ADAMTS20: variants seen among roughly 807,000 people sequenced by gnomAD.
The protein encoded by ADAMTS20 is A disintegrin and metalloproteinase with thrombospondin motifs 20.
In ADAMTS20, 225 loss-of-function variants were observed where a neutral mutation model predicts 260.1. That is an observed-to-expected ratio of 0.87 (90% CI 0.78 to 0.97). The LOEUF (loss-of-function observed/expected upper bound fraction) is 0.97, where lower values mean the gene tolerates loss of function less well. Ranked by LOEUF, ADAMTS20 falls within the 50% of genes least tolerant of loss-of-function variation. The pLI, the probability that ADAMTS20 is intolerant of heterozygous loss-of-function variation, is 0.00. For missense variants in ADAMTS20, 2,400 were observed against 2,337.7 expected (o/e 1.03, Z -0.55); for synonymous variants, 802 against 769.5 (o/e 1.04, Z -0.70).
intron 8 of ADAMTS20, 75 bp downstream of exon 8, chr12:43,468,525 C>T (rs1449113433): frequency 3.2e-6 from 3 of 932,800 alleles, no homozygotes; most frequent in African/African-American, 1.7e-5. Context: ...AATTACTCAA[C>T]TGAAGATAGA....
chr12:43,369,258 G>A, intron 37 of ADAMTS20, 32 bp downstream of exon 37: 1 of 1,333,326 alleles, frequency 7.5e-7, no homozygotes, highest in Non-Finnish European at 9.9e-7. Flanking sequence ...TTTTCACAAA[G>A]AAAGAAAATT....
intron 2 of ADAMTS20, among the ~76,000 whole-genome samples, chr12:43,533,293 C>T (rs1293325940): frequency 6.7e-5 from 10 of 149,898 alleles, no homozygotes; most frequent in African/African-American, 2.5e-4. Context: ...ATTTGCATTT[C>T]TCTGATGGCC....
intron 31 of ADAMTS20, among the ~76,000 whole-genome samples, chr12:43,379,003 T>C (rs1464895727): frequency 6.6e-6 from 1 of 152,182 alleles, no homozygotes; most frequent in Non-Finnish European, 1.5e-5. Flanking sequence ...TCTTTCTAGC[T>C]CCATGGTAAC....
At chr12:43,437,639 T>C (rs996775907) in intron 18 of ADAMTS20, among the ~76,000 whole-genome samples, 5 of 152,184 alleles carry the variant, frequency 3.3e-5, no homozygotes, top group Admixed American at 2.0e-4. Context: ...CATGAGAATA[T>C]AGTTATGTCA....
intron 7 of ADAMTS20, among the ~76,000 whole-genome samples, chr12:43,482,913 C>T (rs541243215): frequency 1.3e-5 from 2 of 152,300 alleles, no homozygotes; most frequent in East Asian, 1.9e-4. Context: ...TATCTTCTTC[C>T]TGGCTCAGGA....
chr12:43,372,708 T>G (rs1405437900), intron 36 of ADAMTS20, among the ~76,000 whole-genome samples: 1 of 152,194 alleles, frequency 6.6e-6, no homozygotes, highest in African/African-American at 2.4e-5. Context: ...CTTGAGTAGG[T>G]ACAAGGCACT....
intron 18 of ADAMTS20, among the ~76,000 whole-genome samples, chr12:43,437,189 T>C (rs1941572146): frequency 6.6e-6 from 1 of 152,124 alleles, no homozygotes; most frequent in African/African-American, 2.4e-5. Context: ...AGAGATATGA[T>C]AGAAGGTATT....
intron 4 of ADAMTS20, among the ~76,000 whole-genome samples, chr12:43,501,288 G>A (rs901110241): frequency 2.6e-5 from 4 of 151,638 alleles, no homozygotes; most frequent in African/African-American, 4.8e-5. Context: ...TTGAACTTCC[G>A]ACCTCAGGTG....
intron 3 of ADAMTS20, among the ~76,000 whole-genome samples, chr12:43,520,787 CATTA>C (rs1297712140): frequency 6.6e-6 from 1 of 152,198 alleles, no homozygotes; most frequent in Non-Finnish European, 1.5e-5. Context: ...TCTGTCCCTA[CATTA>C]ATTAATGGCA....
chr12:43,428,843 C>T (rs778131197), intron 24 of ADAMTS20, 44 bp from the exon 25 acceptor site: 1 of 1,523,288 alleles, frequency 6.6e-7, no homozygotes, highest in Non-Finnish European at 8.9e-7. Flanking sequence ...TACAGTAGTA[C>T]CTCACCCATG....
At chr12:43,458,207 T>G (rs1255638176) in intron 11 of ADAMTS20, among the ~76,000 whole-genome samples, 1 of 152,188 alleles carries the variant, frequency 6.6e-6, no homozygotes, top group Admixed American at 6.5e-5. Context: ...AGGTCACAGG[T>G]AGGTGACAGA....
chr12:43,391,822 G>A (rs1420961563), intron 29 of ADAMTS20, among the ~76,000 whole-genome samples: 2 of 152,086 alleles, frequency 1.3e-5, no homozygotes, highest in African/African-American at 4.8e-5. Flanking sequence ...CAAAAGCTAA[G>A]AATTTCGTTT....
chr12:43,532,343 C>T, intron 2 of ADAMTS20, 148 bp from the exon 3 acceptor site: 1 of 622,354 alleles, frequency 1.6e-6, no homozygotes, highest in Non-Finnish European at 2.6e-6. Flanking sequence ...AAAAGTTTCC[C>T]TTCCCTGGGT....
In ADAMTS20 at chr12:43,377,388, A is replaced by C; in HGVS notation, c.4972T>G (p.Trp1658Gly). 6.2e-7 allele frequency: 1 copy of C among 1,612,434 alleles called. No homozygotes were observed. Among genetic ancestry groups the C allele is most frequent in the East Asian group, 2.2e-5 (1 of 44,854 alleles). ...ACCTTGCTCCATTTTCCAACTTTCCAAGTGGCCAAATGCAAACAGCTGTTA... is the reference window on the plus strand; with the variant it reads ...ACCTTGCTCCATTTTCCAACTTTCCCAGTGGCCAAATGCAAACAGCTGTTA... The part of the protein sequence containing the change: ...CINSCLHLAT[W>G]KVGKWSKCSV... The change falls in exon 32 of 39, where the codon TGG (tryptophan) becomes GGG (glycine). Residue 1658 changes from tryptophan to glycine, a missense_variant. Transcript: ENST00000389420.
At chr12:43,518,899 T>A (rs1436495790) in intron 3 of ADAMTS20, among the ~76,000 whole-genome samples, 1 of 151,262 alleles carries the variant, frequency 6.6e-6, no homozygotes, top group Non-Finnish European at 1.5e-5. Flanking sequence ...AGCTTGACCA[T>A]CAAAATAAAC....
At chr12:43,496,746 A>C (rs1302783037) in intron 4 of ADAMTS20, among the ~76,000 whole-genome samples, 1 of 152,190 alleles carries the variant, frequency 6.6e-6, no homozygotes, top group African/African-American at 2.4e-5. Context: ...GTTGTGAAAG[A>C]CATTTGTTTT....
At position 43,354,197 on chromosome 12, in the gene ADAMTS20, C is replaced by A; in HGVS notation, c.*12G>T. On this transcript the variant is annotated 3_prime_UTR_variant, in exon 39 of 39. Transcript: ENST00000389420. ...ATCCCCTCTTTAGGGCATACTTCCCCCTTCTAAATGTTCATATGACTTGAA... is the reference window on the plus strand; with the variant it reads ...ATCCCCTCTTTAGGGCATACTTCCCACTTCTAAATGTTCATATGACTTGAA... 2 of 1,551,074 alleles carry A rather than the reference C, an allele frequency of 1.3e-6. No individual in the cohort carries two copies. Among genetic ancestry groups the A allele is most frequent in the Non-Finnish European group, 1.8e-6 (2 of 1,138,564 alleles).
rs543773145 is a variant in ADAMTS20 at position 43,482,296 on chromosome 12, C to T, written c.1117+8099G>A. Among the ~76,000 whole-genome samples the T allele has an allele frequency of 2.0e-5, 3 of 152,294 alleles. No individual in the cohort carries two copies. In the East Asian group the frequency reaches 5.8e-4, roughly 29 times the overall value. Reference sequence around the variant, plus strand: ...GAGCGAGCCTGAAGTGTGTTGTCACCACGGGGGCAGGAGCTGGACACCTTT... The same window carrying T: ...GAGCGAGCCTGAAGTGTGTTGTCACTACGGGGGCAGGAGCTGGACACCTTT... On this transcript the variant is annotated intron_variant, in intron 7 of 38. Transcript: ENST00000389420.
intron 37 of ADAMTS20, among the ~76,000 whole-genome samples, chr12:43,365,753 A>G (rs1273353867): frequency 6.6e-6 from 1 of 152,016 alleles, no homozygotes; most frequent in Non-Finnish European, 1.5e-5. Context: ...GCAGAAAAAG[A>G]GAAGAAATAG....
Sources: gnomAD v4.1 joint callset for allele counts (sites outside exome capture counted in the v4.1 genomes callset) on GRCh38, gnomAD v4.1.1 for gene constraint, MANE v1.5 for transcripts, NCBI Gene and HGNC (gene_info 2026-07-23, HGNC 2026-07-21) for gene names.